The following MAP2 variants were observed in gnomAD, a reference collection of about 807,000 sequenced individuals.
The protein encoded by MAP2 is microtubule associated protein 2.
A neutral mutation model predicts 137.6 loss-of-function variants in MAP2; 14 were observed. The ratio of observed to expected loss-of-function variants is 0.10; its 90% CI spans 0.07 to 0.16. The LOEUF (loss-of-function observed/expected upper bound fraction) is 0.16, where lower values mean the gene tolerates loss of function less well. Ranked by LOEUF, MAP2 falls within the 10% of genes least tolerant of loss-of-function variation. The pLI is 1.00. For missense variants in MAP2, 2,088 were observed against 2,191.5 expected (o/e 0.95, Z 0.94); for synonymous variants, 786 against 782.3 (o/e 1.00, Z -0.08).
chr2:209,432,335 T>C (rs889853228), intron 1 of MAP2, among the ~76,000 whole-genome samples: 2 of 152,040 alleles, frequency 1.3e-5, no homozygotes, highest in African/African-American at 4.8e-5. Flanking sequence ...CCCTCTTGGT[T>C]GTTGTTGTTG....
In MAP2 at chr2:209,694,444, C is replaced by T. The variant is rs771602507; in HGVS notation, c.2274C>T (p.Cys758=). 83 of 1,614,022 alleles carry T rather than the reference C, an allele frequency of 5.1e-5. 2 individuals are homozygous for T. In the South Asian group the frequency reaches 8.8e-4, roughly 17 times the overall value. Residue 758 remains cysteine (C), a synonymous_variant, in exon 8 of 16, where the codon TGC becomes TGT. Coordinates refer to ENST00000682079, the MANE Select transcript of MAP2 (RefSeq NM_001375505.1). ...CACCTGCACTGGAGAAAGCCCCTTG[C>T]TTCCCTGTAGAAAGCAAAGAGGAAG... ...ATTPALEKAP[C]FPVESKEEEQ... is the part of the protein sequence containing the mutation.
chr2:209,690,586 T>A, intron 7 of MAP2: 1 of 1,269,090 alleles, frequency 7.9e-7, no homozygotes, highest in South Asian at 1.3e-5. Context: ...GATGTCAACA[T>A]CTTTTTCATC....
intron 1 of MAP2, among the ~76,000 whole-genome samples, chr2:209,430,431 T>C (rs1289654644): frequency 6.6e-6 from 1 of 151,964 alleles, no homozygotes; most frequent in Non-Finnish European, 1.5e-5. Flanking sequence ...ATATATTTGC[T>C]TTTTTCATTG....
chr2:209,476,068 A>C (rs1424183793), intron 1 of MAP2, among the ~76,000 whole-genome samples: 1 of 152,192 alleles, frequency 6.6e-6, no homozygotes, highest in Non-Finnish European at 1.5e-5. Flanking sequence ...CTTAAAAAAA[A>C]ACAAAACAAG....
At chr2:209,587,475 A>G (rs1023659317) in intron 3 of MAP2, among the ~76,000 whole-genome samples, 3 of 152,126 alleles carry the variant, frequency 2.0e-5, no homozygotes, top group Non-Finnish European at 2.9e-5. Context: ...AGGAGAATGC[A>G]TCGGTGTGTA....
At chr2:209,730,126 G>A (rs2075559653) in intron 15 of MAP2, 56 bp from the exon 16 acceptor site, 1 of 1,412,904 alleles carries the variant, frequency 7.1e-7, no homozygotes, top group African/African-American at 1.4e-5. Context: ...TGGAGAAAGA[G>A]GTAGGGGCCA....
chr2:209,625,036 T>C lies in MAP2; in HGVS notation c.-106-17T>C, dbSNP rs1320124862. The C allele has an allele frequency of 6.6e-6, 1 of 152,154 alleles. No homozygotes were observed. The highest frequency in any genetic ancestry group is 1.5e-5 in the Non-Finnish European group (1 of 68,028). 9.4% of individuals were successfully genotyped at this position (152,154 alleles called of 1,614,324 possible). ...TGGATCAGGGATTAAACTATTAATT[T>C]TCTATTTTTTTAACAGAAAGAAGCC... On this transcript the variant is annotated splice_polypyrimidine_tract_variant and intron_variant, in intron 3 of 15. Coordinates refer to ENST00000682079, the MANE Select transcript of MAP2 (RefSeq NM_001375505.1).
chr2:209,425,800 T>C (rs1692404365), intron 1 of MAP2, among the ~76,000 whole-genome samples: 1 of 152,170 alleles, frequency 6.6e-6, no homozygotes. Context: ...GTCAAATAGA[T>C]TGAATAAATA....
rs115413753 is a variant in MAP2, at chr2:209,727,129, C to A, written c.5155+1339C>A. On this transcript the variant is annotated intron_variant, in intron 14 of 15. Coordinates refer to ENST00000682079, the MANE Select transcript of MAP2 (RefSeq NM_001375505.1). ...AATGAGTATTCATTATAAAGCAAGT[C>A]AAAGAGTTACAAACTACATTTATGA... Among the ~76,000 whole-genome samples, 999 of 152,300 alleles carry A rather than the reference C, an allele frequency of 6.6e-3. 12 individuals are homozygous for A. Among genetic ancestry groups the A allele is most frequent in the African/African-American group, 0.023 (939 of 41,576 alleles).
intron 1 of MAP2, among the ~76,000 whole-genome samples, chr2:209,441,421 A>C (rs1697745922): frequency 6.6e-6 from 1 of 151,590 alleles, no homozygotes; most frequent in African/African-American, 2.4e-5. Flanking sequence ...TGTCTATTTA[A>C]ATTCTCTGAG....
At chr2:209,547,229 G>A (rs2153275971) in intron 2 of MAP2, among the ~76,000 whole-genome samples, 1 of 152,196 alleles carries the variant, frequency 6.6e-6, no homozygotes, top group South Asian at 2.1e-4. Flanking sequence ...CTGTGCTACA[G>A]CCTGAGGGGC....
At chr2:209,445,690 G>T (rs564958436) in intron 1 of MAP2, among the ~76,000 whole-genome samples, 3 of 151,636 alleles carry the variant, frequency 2.0e-5, no homozygotes, top group South Asian at 2.1e-4. Context: ...CTACCAACAG[G>T]ACTGAACTTG....
intron 4 of MAP2, among the ~76,000 whole-genome samples, chr2:209,628,554 C>T (rs1042258891): frequency 9.2e-5 from 14 of 152,146 alleles, no homozygotes; most frequent in Non-Finnish European, 2.9e-5. Context: ...ATCCCCTGTA[C>T]TCAGTCTTGT....
chr2:209,489,211 A>T (rs2058775935), intron 1 of MAP2, among the ~76,000 whole-genome samples: 1 of 152,310 alleles, frequency 6.6e-6, no homozygotes, highest in South Asian at 2.1e-4. Context: ...GACTGTCAGA[A>T]GGAAAACTAA....
In MAP2 at chr2:209,693,645, A is replaced by G. The variant is rs185552042; in HGVS notation, c.1475A>G (p.Asp492Gly). The change falls in exon 8 of 16, where the codon GAT becomes GGT. Residue 492 changes from aspartate (D) to glycine (G), a missense_variant. By Grantham distance (94) the Asp-to-Gly change is moderately conservative. This residue lies in a region of MAP2 where 859 missense variants were observed against 794.5 expected (regional missense o/e 1.08). Coordinates refer to ENST00000682079, the MANE Select transcript of MAP2 (RefSeq NM_001375505.1). ...SEQKDQEPTT[D>G]MLKQDSFPVS... ...CAGAAAGACCAAGAGCCTACCACAGATATGTTGAAACAGGACTCGTTCCCT... is the reference window on the plus strand; with the variant it reads ...CAGAAAGACCAAGAGCCTACCACAGGTATGTTGAAACAGGACTCGTTCCCT... 6.2e-7 allele frequency: 1 copy of G among 1,613,958 alleles called. No individual in the cohort carries two copies. The highest frequency in any genetic ancestry group is 1.7e-5 in the Admixed American group (1 of 60,012).
At chr2:209,470,460 T>A (rs1053146232) in intron 1 of MAP2, among the ~76,000 whole-genome samples, 73 of 150,032 alleles carry the variant, frequency 4.9e-4, no homozygotes, top group African/African-American at 1.6e-3. Flanking sequence ...AAGTAAAAAA[T>A]ATATATAAAC....
chr2:209,625,003 A>C (rs1435585361), intron 3 of MAP2, 50 bp from the exon 4 acceptor site: 1 of 152,150 alleles, frequency 6.6e-6, no homozygotes, highest in Non-Finnish European at 1.5e-5. Flanking sequence ...TGATGTGATT[A>C]ATGTATATGG....
At chr2:209,692,074 G>A (rs910830670) in intron 7 of MAP2, among the ~76,000 whole-genome samples, 2 of 152,084 alleles carry the variant, frequency 1.3e-5, no homozygotes, top group African/African-American at 4.8e-5. Context: ...TGTTAATCAA[G>A]TTAACTGCAA....
chr2:209,611,032 T>C (rs1022429769), intron 3 of MAP2, among the ~76,000 whole-genome samples: 1 of 152,188 alleles, frequency 6.6e-6, no homozygotes, highest in African/African-American at 2.4e-5. Flanking sequence ...ACTAGGGTTT[T>C]TGAGAGTGGA....
Sources: allele counts gnomAD v4.1 joint callset (sites outside exome capture counted in the v4.1 genomes callset), GRCh38; gene constraint gnomAD v4.1.1; regional missense constraint gnomAD v4.1.1; transcripts MANE v1.5; gene names NCBI Gene and HGNC (gene_info 2026-07-23, HGNC 2026-07-21).